Variants in SYT6 observed in about 807,000 individuals in gnomAD.
The protein encoded by SYT6 is synaptotagmin-6.
Under a neutral mutation model 38.4 loss-of-function variants are expected in SYT6, and 24 were observed. That is an observed-to-expected ratio of 0.62 (90% CI 0.45 to 0.88). The LOEUF (loss-of-function observed/expected upper bound fraction) is 0.88. SYT6 is among the 40% of genes least tolerant of loss of function. The pLI is 0.00. For missense variants in SYT6, 611 were observed against 621.0 expected (o/e 0.98, Z 0.17); for synonymous variants, 265 against 241.9 (o/e 1.10, Z -0.89).
chr1:114,150,399 A>C (rs999218525), intron 1 of SYT6, among the ~76,000 whole-genome samples: 3 of 152,196 alleles, frequency 2.0e-5, no homozygotes, highest in African/African-American at 7.2e-5. Flanking sequence ...TTGGGTTCTA[A>C]AGGATTGTGC....
At position 114,129,008 on chromosome 1, in the gene SYT6, G is replaced by A. The variant is rs563820637; in HGVS notation, c.1071+8487C>T. Among the ~76,000 whole-genome samples, 5 of 152,166 alleles carry A rather than the reference G, an allele frequency of 3.3e-5. No homozygotes were observed. The South Asian group carries it at 6.2e-4, about 19-fold the overall frequency. On this transcript the variant is annotated intron_variant, in intron 3 of 7. Coordinates refer to ENST00000610222, the MANE Select transcript of SYT6 (RefSeq NM_001253772.2). ...TATATCCAGCTTCCTATGTAGCATC[G>A]CCACTTGGATGTCCAAAAGGTATCT...
chr1:114,119,453 G>T (rs1337554145), intron 3 of SYT6, among the ~76,000 whole-genome samples: 1 of 152,240 alleles, frequency 6.6e-6, no homozygotes, highest in Non-Finnish European at 1.5e-5. Context: ...GGCATTCATT[G>T]AGCACTTGCT....
chr1:114,109,898 C>T (rs1354118391), intron 3 of SYT6, among the ~76,000 whole-genome samples: 2 of 152,176 alleles, frequency 1.3e-5, no homozygotes, highest in African/African-American at 2.4e-5. Context: ...TAAGCAAGCG[C>T]TTTTGCTTTT....
At chr1:114,149,484 T>C (rs1190376001) in intron 1 of SYT6, among the ~76,000 whole-genome samples, 1 of 151,952 alleles carries the variant, frequency 6.6e-6, no homozygotes, top group African/African-American at 2.4e-5. Flanking sequence ...AAAGCTGTGA[T>C]GAGGAGAGAC....
At chr1:114,096,107 G>T (rs1385258725) in intron 6 of SYT6, among the ~76,000 whole-genome samples, 1 of 152,188 alleles carries the variant, frequency 6.6e-6, no homozygotes, top group African/African-American at 2.4e-5. Flanking sequence ...GAGGAGGGGT[G>T]GTGGGGTGGA....
At chr1:114,118,876 A>G (rs552379941) in intron 3 of SYT6, among the ~76,000 whole-genome samples, 1 of 152,298 alleles carries the variant, frequency 6.6e-6, no homozygotes, top group Non-Finnish European at 1.5e-5. Flanking sequence ...GCCCATTCCC[A>G]GGCATACCCA....
chr1:114,135,992 T>A (rs531508183), intron 3 of SYT6, among the ~76,000 whole-genome samples: 1 of 152,142 alleles, frequency 6.6e-6, no homozygotes, highest in East Asian at 1.9e-4. Context: ...GCTGTTCCAA[T>A]CCGCCCTGTC....
At chr1:114,115,713 C>A (rs1000274742) in intron 3 of SYT6, among the ~76,000 whole-genome samples, 1 of 152,172 alleles carries the variant, frequency 6.6e-6, no homozygotes, top group Non-Finnish European at 1.5e-5. Context: ...CTGCACCCAG[C>A]TCTTAACACA....
chr1:114,137,382 C>T, intron 3 of SYT6, 113 bp downstream of exon 3: 1 of 1,276,406 alleles, frequency 7.8e-7, no homozygotes, highest in Non-Finnish European at 1.1e-6. Context: ...TCCCTCTTCA[C>T]ATCCCAAATG....
intron 4 of SYT6, among the ~76,000 whole-genome samples, chr1:114,102,626 A>T (rs114895705): frequency 1.2e-4 from 18 of 152,244 alleles, no homozygotes; most frequent in African/African-American, 4.3e-4. Context: ...ATATGAGGAA[A>T]AATCTTTAAT....
In SYT6 at chr1:114,093,781, T is replaced by G; in HGVS notation, c.*5A>C. ...TCTCTGCTTGCAGCATCCACGTGAA[T>G]GAAATCACAACCGAGGGTTTCCCTG... On this transcript the variant is annotated 3_prime_UTR_variant, in exon 7 of 8. Transcript: ENST00000610222. 3.1e-6 allele frequency: 5 copies of G among 1,614,112 alleles called. No individual in the cohort carries two copies. Among genetic ancestry groups the G allele is most frequent in the Non-Finnish European group, 4.2e-6 (5 of 1,180,004 alleles).
chr1:114,145,043 C>G (rs1166361940), intron 1 of SYT6, among the ~76,000 whole-genome samples: 2 of 152,060 alleles, frequency 1.3e-5, no homozygotes, highest in South Asian at 2.1e-4. Context: ...TGCCAGACAC[C>G]GGGAAAGCTC....
At position 114,139,857 on chromosome 1, in the gene SYT6, G is replaced by A; in HGVS notation, c.270C>T (p.Asn90=). 2 of 1,581,270 alleles carry A rather than the reference G, an allele frequency of 1.3e-6. No homozygotes were observed. Among genetic ancestry groups the A allele is most frequent in the Non-Finnish European group, 8.6e-7 (1 of 1,163,938 alleles). The change falls in exon 2 of 8, where the codon AAC becomes AAT. Residue 90 remains asparagine, a synonymous_variant. Transcript: ENST00000610222. ...CAGAAGAGGGACTGGAGGCCTCCTT[G>A]TTCCTCCAGGGCATCCAGCACAGCT... ...FWKLCWMPWR[N]KEASSPSSAN...
At chr1:114,131,171 G>A (rs1298564988) in intron 3 of SYT6, among the ~76,000 whole-genome samples, 1 of 152,194 alleles carries the variant, frequency 6.6e-6, no homozygotes, top group Non-Finnish European at 1.5e-5. Flanking sequence ...AGACTGCGAG[G>A]TCTTGAGGGC....
chr1:114,117,110 C>T (rs886345736), intron 3 of SYT6, among the ~76,000 whole-genome samples: 2 of 152,190 alleles, frequency 1.3e-5, no homozygotes, highest in Admixed American at 1.3e-4. Flanking sequence ...GGCACAGAAC[C>T]TGGGGTTCGA....
chr1:114,122,504 T>TGTGTGTGTGTGTGCGC lies in SYT6; in HGVS notation c.1071+14990_1071+14991insGCGCACACACACACAC, dbSNP rs1553181977. 4.4e-5 allele frequency among the ~76,000 whole-genome samples: 5 copies of TGTGTGTGTGTGTGCGC among 114,542 alleles called. No homozygotes were observed. The East Asian group carries it at 1.3e-3, about 30-fold the overall frequency. 75.1% of individuals were successfully genotyped at this position (114,542 alleles called of 152,430 possible). On this transcript the variant is annotated intron_variant, in intron 3 of 7. Transcript: ENST00000610222. ...ATTTGTGTGTGTGTGTGTGTGTGTG[T>TGTGTGTGTGTGTGCGC]GTGCGCGCACATGAGCATATGCACA... is the stretch of plus-strand genomic sequence containing the variant.
chr1:114,145,502 G>C (rs986685741), intron 1 of SYT6, among the ~76,000 whole-genome samples: 1 of 111,628 alleles, frequency 9.0e-6, no homozygotes, highest in Non-Finnish European at 1.8e-5. Flanking sequence ...GAGGTATTAA[G>C]TTTTTTTTTT....
In SYT6 at chr1:114,089,770, C is replaced by A. The variant is rs1260858689; in HGVS notation, c.*2364G>T. On this transcript the variant is annotated 3_prime_UTR_variant, in exon 8 of 8. Transcript: ENST00000610222. ...GCCTCCCTGGGGTGGGCTCCCAAGC[C>A]TGTAGGAATTGACCCAGACTGCTAG... 1 of 152,424 alleles carries A rather than the reference C, an allele frequency of 6.6e-6. No individual in the cohort carries two copies. The highest frequency in any genetic ancestry group is 1.5e-5 in the Non-Finnish European group (1 of 68,124). The allele number at this position is 152,424 out of a possible 1,614,324, so 9.4% of individuals were successfully genotyped here. A position where few individuals can be genotyped will look rare whatever the true frequency, so the allele number is the denominator to read the frequency against.
intron 3 of SYT6, among the ~76,000 whole-genome samples, chr1:114,108,453 A>T (rs902678333): frequency 1.3e-5 from 2 of 152,156 alleles, no homozygotes; most frequent in African/African-American, 4.8e-5. Context: ...CTCTACCCCC[A>T]GTTAGCTGTG....
Sources: gnomAD v4.1 joint callset for allele counts (sites outside exome capture counted in the v4.1 genomes callset) on GRCh38, gnomAD v4.1.1 for gene constraint, MANE v1.5 for transcripts, NCBI Gene and HGNC (gene_info 2026-07-23, HGNC 2026-07-21) for gene names.